The following HLTF variants were observed in gnomAD, a reference collection of about 807,000 sequenced individuals.
HLTF encodes DNA-dependent ATPase/E3 ubiquitin-protein ligase HLTF.
HLTF carries 127 observed loss-of-function variants against 129.4 expected under a neutral mutation model. The ratio of observed to expected loss-of-function variants is 0.98; its 90% confidence interval spans 0.85 to 1.14. The LOEUF (loss-of-function observed/expected upper bound fraction) is 1.14, where lower values mean the gene tolerates loss of function less well. HLTF is among the 50% of genes most tolerant of loss of function. HLTF has a pLI of 0.00. For synonymous variants in HLTF, 332 were observed against 388.8 expected (o/e 0.85, Z 1.72); for missense variants, 1,139 against 1,187.1 (o/e 0.96, Z 0.60).
At chr3:149,084,953 G>A (rs1720226775) in intron 1 of HLTF, 64 bp from the exon 2 acceptor site, 1 of 1,162,916 alleles carries the variant, frequency 8.6e-7, no homozygotes, top group African/African-American at 1.6e-5. Context: ...GACCATATGA[G>A]TAGTTTTCTC....
intron 5 of HLTF, among the ~76,000 whole-genome samples, chr3:149,071,920 G>T (rs964530017): frequency 1.3e-5 from 2 of 152,076 alleles, no homozygotes; most frequent in Non-Finnish European, 2.9e-5. Flanking sequence ...AGGCATGGGG[G>T]TGCATGCCTG....
intron 16 of HLTF, 31 bp from the exon 17 acceptor site, chr3:149,048,194 T>TTC (rs754683928): frequency 3.5e-5 from 55 of 1,567,006 alleles, no homozygotes; most frequent in Non-Finnish European, 4.7e-5. Context: ...TTATAACTCT[T>TTC]TAACCAGAGT....
chr3:149,080,509 A>G (rs529680703), intron 2 of HLTF, among the ~76,000 whole-genome samples: 12 of 152,276 alleles, frequency 7.9e-5, no homozygotes, highest in Admixed American at 4.6e-4. Flanking sequence ...AGGCAGAGCT[A>G]TGTTCTCTCC....
chr3:149,082,810 C>G (rs915998122), intron 2 of HLTF, among the ~76,000 whole-genome samples: 1 of 152,176 alleles, frequency 6.6e-6, no homozygotes, highest in African/African-American at 2.4e-5. Context: ...TATTCCTAAT[C>G]ACATTAGGCA....
At chr3:149,037,871 C>T (rs995607820) in intron 23 of HLTF, among the ~76,000 whole-genome samples, 3 of 152,178 alleles carry the variant, frequency 2.0e-5, no homozygotes, top group East Asian at 1.9e-4. Context: ...CCTTTGTACA[C>T]GTAGAAAAAC....
At position 149,068,344 on chromosome 3, in the gene HLTF, TGTTTTAAAAA is replaced by T; in HGVS notation, c.895-19_895-10del. ...GCCGTAAGAGTTTTACCCTTAAAAA[TGTTTTAAAAA>T]GATAAATGGTCAGATTGTGAAACCC... On this transcript the variant is annotated splice_polypyrimidine_tract_variant and intron_variant, in intron 7 of 24. Transcript: ENST00000310053. 2 of 1,349,544 alleles carry T rather than the reference TGTTTTAAAAA, an allele frequency of 1.5e-6. No individual in the cohort carries two copies. The highest frequency in any genetic ancestry group is 2.1e-6 in the Non-Finnish European group (2 of 961,572). The allele number at this position is 1,349,544 out of a possible 1,614,324, so 83.6% of individuals were successfully genotyped here. A position where few individuals can be genotyped will look rare whatever the true frequency, so the allele number is the denominator to read the frequency against.
chr3:149,047,891 A>G (rs1716685466), intron 17 of HLTF, 137 bp downstream of exon 17: 2 of 549,428 alleles, frequency 3.6e-6, no homozygotes, highest in Non-Finnish European at 6.0e-6. Flanking sequence ...GTTCTGAAAG[A>G]CAAAGGTACT....
chr3:149,076,207 ATAT>A (rs1278043643), intron 2 of HLTF, among the ~76,000 whole-genome samples, 160 bp from the exon 3 acceptor site: 3 of 152,098 alleles, frequency 2.0e-5, no homozygotes, highest in Non-Finnish European at 2.9e-5. Context: ...ATATTAATAT[ATAT>A]TATTATGACT....
chr3:149,069,711 C>G, intron 7 of HLTF, among the ~76,000 whole-genome samples: 1 of 152,076 alleles, frequency 6.6e-6, no homozygotes, highest in Admixed American at 6.6e-5. Flanking sequence ...ACTTGAATGA[C>G]AACTATCAAT....
chr3:149,052,545 G>A (rs1041545710), intron 14 of HLTF, among the ~76,000 whole-genome samples: 3 of 152,174 alleles, frequency 2.0e-5, no homozygotes, highest in East Asian at 3.8e-4. Context: ...CAGAGGAAAA[G>A]GGGAGCTCAT....
intron 8 of HLTF, among the ~76,000 whole-genome samples, chr3:149,065,548 C>G (rs778751499): frequency 6.6e-6 from 1 of 152,090 alleles, no homozygotes; most frequent in Non-Finnish European, 1.5e-5. Flanking sequence ...TCAAAAAAAA[C>G]TAAAAATCTG....
At chr3:149,035,724 T>C (rs1715551453) in intron 23 of HLTF, among the ~76,000 whole-genome samples, 3 of 146,766 alleles carry the variant, frequency 2.0e-5, no homozygotes, top group Non-Finnish European at 4.5e-5. Context: ...ATTATTTTTT[T>C]GTTGATGCTA....
At position 149,075,915 on chromosome 3, in the gene HLTF, A is replaced by T. The variant is rs750359619; in HGVS notation, c.361T>A (p.Tyr121Asn). ...TGTGCCAATTTGTTGTCCATGATAT[A>T]GGCCAAAGCACCTGCAAGCTCTTTC... ...LKKELAGALAYIMDNKLAQIE... is the reference protein window; with the variant it reads ...LKKELAGALANIMDNKLAQIE... Residue 121 changes from tyrosine to asparagine, a missense_variant, in exon 3 of 25, where the codon TAT (tyrosine) becomes AAT (asparagine). Coordinates refer to ENST00000310053, the MANE Select transcript of HLTF (RefSeq NM_003071.4). 1.2e-5 allele frequency: 20 copies of T among 1,607,354 alleles called. No individual in the cohort carries two copies. Among genetic ancestry groups the T allele is most frequent in the South Asian group, 3.3e-5 (3 of 89,870 alleles).
chr3:149,049,016 T>A lies in HLTF; in HGVS notation c.1618-15A>T. ...TCTCCTTTAGTCTGAAATAAATGTTTTATATGAATTAAAAAACACAGGAAA... is the reference window on the plus strand; with the variant it reads ...TCTCCTTTAGTCTGAAATAAATGTTATATATGAATTAAAAAACACAGGAAA... On this transcript the variant is annotated splice_polypyrimidine_tract_variant and intron_variant, in intron 15 of 24. Coordinates refer to ENST00000310053, the MANE Select transcript of HLTF (RefSeq NM_003071.4). 1 of 1,552,918 alleles carries A rather than the reference T, an allele frequency of 6.4e-7. No homozygotes were observed. Among genetic ancestry groups the A allele is most frequent in the Non-Finnish European group, 8.8e-7 (1 of 1,132,752 alleles).
At chr3:149,074,070 A>G (rs1719112979) in intron 4 of HLTF, 145 bp downstream of exon 4, 2 of 654,182 alleles carry the variant, frequency 3.1e-6, no homozygotes, top group East Asian at 2.8e-5. Context: ...AAAATCAGAG[A>G]TTTCCTCAAA....
intron 13 of HLTF, chr3:149,059,376 C>A: frequency 2.4e-6 from 1 of 412,554 alleles, no homozygotes. Context: ...ATTCTAATAC[C>A]AAAAAATTAA....
In HLTF at chr3:149,045,618, G is replaced by T. The variant is rs570947553; in HGVS notation, c.2072+462C>A. Among the ~76,000 whole-genome samples the T allele has an allele frequency of 4.6e-5, 7 of 152,200 alleles. No homozygotes were observed. The East Asian group carries it at 1.3e-3, about 29-fold the overall frequency. On this transcript the variant is annotated intron_variant, in intron 18 of 24. Transcript: ENST00000310053. Reference sequence around the variant, plus strand: ...GTACCTACCTCACTGAAGTTTTTATGTTTTGAAGATTCCCCTTTCACAGTC... The same window carrying T: ...GTACCTACCTCACTGAAGTTTTTATTTTTTGAAGATTCCCCTTTCACAGTC...
Position 149,039,697 on chromosome 3 carries a change from C to CA in HLTF, c.2503-5dup, listed in dbSNP as rs753356856. 6 of 1,444,226 alleles carry CA rather than the reference C, an allele frequency of 4.2e-6. No individual in the cohort carries two copies. Among genetic ancestry groups the CA allele is most frequent in the South Asian group, 3.8e-5 (3 of 78,002 alleles). 89.5% of individuals were successfully genotyped at this position (1,444,226 alleles called of 1,614,324 possible). On this transcript the variant is annotated splice_region_variant and splice_polypyrimidine_tract_variant and intron_variant, in intron 21 of 24. Coordinates refer to ENST00000310053, the MANE Select transcript of HLTF (RefSeq NM_003071.4). ...ATGCGTGCATTAGCGCATTAATCTGCAAAAAATATTAAGATGTCCATTAGA... is the reference window on the plus strand; with the variant it reads ...ATGCGTGCATTAGCGCATTAATCTGCAAAAAAATATTAAGATGTCCATTAGA...
At chr3:149,067,783 A>G (rs914442694) in intron 8 of HLTF, among the ~76,000 whole-genome samples, 2 of 152,174 alleles carry the variant, frequency 1.3e-5, no homozygotes, top group African/African-American at 4.8e-5. Flanking sequence ...AAATGGCATT[A>G]TTGACTGGCA....
Sources: gnomAD v4.1 joint callset for allele counts (sites outside exome capture counted in the v4.1 genomes callset) on GRCh38, gnomAD v4.1.1 for gene constraint, MANE v1.5 for transcripts, NCBI Gene and HGNC (gene_info 2026-07-23, HGNC 2026-07-21) for gene names.